The following PRKG1 variants were observed in gnomAD, a reference collection of about 807,000 sequenced individuals.
The protein encoded by PRKG1 is protein kinase cGMP-dependent 1.
A neutral mutation model predicts 88.1 loss-of-function variants in PRKG1; 35 were observed. The observed-to-expected ratio is 0.40, with a 90% CI of 0.30 to 0.53. The LOEUF (loss-of-function observed/expected upper bound fraction) is 0.53. Ranked by LOEUF, PRKG1 falls within the 20% of genes least tolerant of loss-of-function variation. The probability of loss-of-function intolerance (pLI) is 0.59; values close to 1 mark genes in which losing one functional copy is unlikely to be tolerated. For missense variants in PRKG1, 540 were observed against 839.8 expected (o/e 0.64, Z 4.41); for synonymous variants, 303 against 292.5 (o/e 1.04, Z -0.37).
At chr10:51,827,851 A>G (rs1839914389) in intron 4 of PRKG1, among the ~76,000 whole-genome samples, 1 of 152,110 alleles carries the variant, frequency 6.6e-6, no homozygotes, top group African/African-American at 2.4e-5. Flanking sequence ...TTATATTATC[A>G]CTTAACCAGA....
intron 3 of PRKG1, among the ~76,000 whole-genome samples, chr10:51,520,889 A>T (rs947030366): frequency 2.0e-5 from 3 of 152,230 alleles, no homozygotes; most frequent in African/African-American, 7.2e-5. Context: ...TTCTTTAGAC[A>T]TATATAAAAT....
chr10:52,249,551 C>A (rs745378332), intron 9 of PRKG1, among the ~76,000 whole-genome samples: 2 of 152,078 alleles, frequency 1.3e-5, no homozygotes, highest in Non-Finnish European at 2.9e-5. Context: ...GTACTTCCAG[C>A]CTAACTTCAC....
intron 2 of PRKG1, among the ~76,000 whole-genome samples, chr10:51,341,808 G>A (rs893953565): frequency 1.2e-4 from 19 of 152,164 alleles, no homozygotes; most frequent in African/African-American, 3.6e-4. Context: ...CCCCATGGCT[G>A]GGGAGGCCTC....
intron 5 of PRKG1, among the ~76,000 whole-genome samples, chr10:51,951,591 A>G (rs1305999086): frequency 2.0e-5 from 3 of 152,186 alleles, no homozygotes; most frequent in Non-Finnish European, 2.9e-5. Context: ...TTATGGTACT[A>G]TTCACAGAAT....
chr10:52,166,880 TACACACACACACAC>T (rs143459696), intron 9 of PRKG1, among the ~76,000 whole-genome samples: 5 of 121,946 alleles, frequency 4.1e-5, no homozygotes, highest in African/African-American at 1.2e-4. Context: ...TGTGTATGTA[TACACACACACACAC>T]ACACACACAC....
chr10:51,737,751 TTATTATTATTA>T (rs1837325414), intron 3 of PRKG1, among the ~76,000 whole-genome samples: 5 of 112,850 alleles, frequency 4.4e-5, no homozygotes, highest in African/African-American at 1.6e-4. Context: ...ATTATTATTA[TTATTATTATTA>T]TTATTATTAT....
rs190725826 is a variant in PRKG1, at chr10:51,944,244, A to G, written c.762+36674A>G. Among the ~76,000 whole-genome samples the G allele has an allele frequency of 2.6e-4, 40 of 152,004 alleles. No homozygotes were observed. The East Asian group carries it at 6.4e-3, about 24-fold the overall frequency. Reference sequence around the variant, plus strand: ...TAGATTTTCTAGTTTATTTGCATAGAGGTGTTTGTAGTATTCTCTGATGGC... The same window carrying G: ...TAGATTTTCTAGTTTATTTGCATAGGGGTGTTTGTAGTATTCTCTGATGGC... On this transcript the variant is annotated intron_variant, in intron 5 of 17. Coordinates refer to ENST00000373980, the MANE Select transcript of PRKG1 (RefSeq NM_006258.4).
intron 1 of PRKG1, among the ~76,000 whole-genome samples, chr10:51,002,231 T>A (rs1177200487): frequency 1.3e-5 from 2 of 151,490 alleles, no homozygotes; most frequent in Admixed American, 1.3e-4. Flanking sequence ...TCCTATTCAC[T>A]CCCTTCTACC....
At chr10:51,825,429 G>A (rs1278590257) in intron 4 of PRKG1, among the ~76,000 whole-genome samples, 1 of 152,108 alleles carries the variant, frequency 6.6e-6, no homozygotes, top group African/African-American at 2.4e-5. Flanking sequence ...AAGTACAGTA[G>A]GTGTTCCAAA....
In PRKG1 at chr10:51,268,547, G is replaced by A. The variant is rs145787736; in HGVS notation, c.478+115217G>A. Among the ~76,000 whole-genome samples, 349 of 146,100 alleles carry A rather than the reference G, an allele frequency of 2.4e-3. 3 individuals are homozygous for A. The highest frequency in any genetic ancestry group is 8.7e-3 in the African/African-American group (339 of 38,822). Reference sequence around the variant, plus strand: ...TTTGCTTTTGAAAGAAGAGAAATATGGCTCTGTTCTGCCCGGCTCAGCAGT... The same window carrying A: ...TTTGCTTTTGAAAGAAGAGAAATATAGCTCTGTTCTGCCCGGCTCAGCAGT... On this transcript the variant is annotated intron_variant, in intron 2 of 17. Transcript: ENST00000373980.
chr10:51,079,168 A>G (rs1444349280), intron 1 of PRKG1, among the ~76,000 whole-genome samples: 1 of 152,210 alleles, frequency 6.6e-6, no homozygotes, highest in African/African-American at 2.4e-5. Flanking sequence ...ATTGCCTGTG[A>G]CATGCAAAAT....
At chr10:51,416,085 A>G (rs566956920) in intron 2 of PRKG1, among the ~76,000 whole-genome samples, 2 of 152,328 alleles carry the variant, frequency 1.3e-5, no homozygotes, top group East Asian at 3.9e-4. Flanking sequence ...GTATAAGGTG[A>G]GTTTAAACCT....
intron 1 of PRKG1, among the ~76,000 whole-genome samples, chr10:51,122,910 A>G (rs1395458072): frequency 6.6e-6 from 1 of 152,174 alleles, no homozygotes; most frequent in Non-Finnish European, 1.5e-5. Flanking sequence ...TAGGCTTCCT[A>G]TAGCCTGCCC....
At chr10:51,648,504 C>G (rs1839967362) in intron 3 of PRKG1, among the ~76,000 whole-genome samples, 1 of 152,046 alleles carries the variant, frequency 6.6e-6, no homozygotes, top group Admixed American at 6.6e-5. Context: ...TATTCTCTCT[C>G]TTTTTTTAAA....
intron 10 of PRKG1, among the ~76,000 whole-genome samples, chr10:52,268,535 T>C (rs1485538904): frequency 2.0e-5 from 3 of 152,014 alleles, no homozygotes; most frequent in African/African-American, 7.2e-5. Context: ...TAAGTTAAGC[T>C]TAAAGGTAAT....
intron 2 of PRKG1, among the ~76,000 whole-genome samples, chr10:51,344,134 G>A (rs947943771): frequency 6.6e-5 from 10 of 152,268 alleles, no homozygotes; most frequent in Non-Finnish European, 1.0e-4. Context: ...AGGCTGTACA[G>A]GAAGCATGAG....
chr10:51,109,056 A>C (rs1334234495), intron 1 of PRKG1, among the ~76,000 whole-genome samples: 7 of 152,162 alleles, frequency 4.6e-5, no homozygotes, highest in Non-Finnish European at 2.9e-5. Flanking sequence ...TGTAAACTGG[A>C]AACTACAGAT....
chr10:51,831,358 A>T (rs1358071704), intron 4 of PRKG1, among the ~76,000 whole-genome samples: 1 of 148,272 alleles, frequency 6.7e-6, no homozygotes, highest in Non-Finnish European at 1.5e-5. Context: ...ATTAAAAACC[A>T]CTTCAATGCT....
intron 1 of PRKG1, among the ~76,000 whole-genome samples, chr10:51,026,250 A>G (rs1843203493): frequency 6.6e-6 from 1 of 152,032 alleles, no homozygotes; most frequent in Non-Finnish European, 1.5e-5. Flanking sequence ...TAGGCCACCC[A>G]CCCTGTAGCA....
Sources: gnomAD v4.1 joint callset for allele counts (sites outside exome capture counted in the v4.1 genomes callset) on GRCh38, gnomAD v4.1.1 for gene constraint, MANE v1.5 for transcripts, NCBI Gene and HGNC (gene_info 2026-07-23, HGNC 2026-07-21) for gene names.